C3orf49: variants seen among roughly 807,000 people sequenced by gnomAD.
The protein encoded by C3orf49 is chromosome 3 open reading frame 49.
A neutral mutation model predicts 13.3 loss-of-function variants in C3orf49; 27 were observed. The ratio of observed to expected loss-of-function variants is 2.02; its 90% CI spans 1.49 to 2.79. C3orf49 has a LOEUF of 2.79. C3orf49 is among the 30% of genes most tolerant of loss of function. C3orf49 has a pLI of 0.00. For missense variants in C3orf49, 242 were observed against 134.2 expected, an observed-to-expected ratio of 1.80 and a Z score of -3.97; for synonymous variants, 87 against 47.6, an observed-to-expected ratio of 1.83 and a Z score of -3.40.
At chr3:63,828,312 T>C (rs1701492249) in intron 3 of C3orf49, among the ~76,000 whole-genome samples, 1 of 152,194 alleles carries the variant, frequency 6.6e-6, no homozygotes, top group South Asian at 2.1e-4. Flanking sequence ...TGTGTTTGTT[T>C]GTTTTGAGAC....
At chr3:63,834,652 T>G (rs893864451) in intron 5 of C3orf49, among the ~76,000 whole-genome samples, 2 of 149,516 alleles carry the variant, frequency 1.3e-5, no homozygotes, top group Non-Finnish European at 3.0e-5. Context: ...AGAGCAAGAC[T>G]GTCTTAAAAA....
the C3orf49 span, among the ~76,000 whole-genome samples, chr3:63,781,093 G>A: frequency 6.6e-6 from 1 of 150,886 alleles, no homozygotes; most frequent in East Asian, 1.9e-4. Context: ...GTAATGCCTA[G>A]GTTTTCTTCT....
At chr3:63,839,171 C>T (rs936075086) in intron 5 of C3orf49, among the ~76,000 whole-genome samples, 1 of 152,026 alleles carries the variant, frequency 6.6e-6, no homozygotes, top group Admixed American at 6.6e-5. Context: ...GCCTGAACAA[C>T]AGAATGAGAC....
At chr3:63,804,710 T>C in the C3orf49 span, among the ~76,000 whole-genome samples, 1 of 152,164 alleles carries the variant, frequency 6.6e-6, no homozygotes, top group Admixed American at 6.5e-5. Context: ...GTAATTGCCA[T>C]TGAAAGTAAT....
At chr3:63,836,439 C>T (rs1199174579) in intron 5 of C3orf49, 3 of 1,290,638 alleles carry the variant, frequency 2.3e-6, no homozygotes, top group South Asian at 1.2e-5. Context: ...TATCACAAAC[C>T]TCTCCTAATC....
the C3orf49 span, among the ~76,000 whole-genome samples, chr3:63,788,728 T>A: frequency 1.1e-4 from 15 of 139,880 alleles, no homozygotes; most frequent in South Asian, 1.4e-3. Context: ...TATTACAATT[T>A]AAAAAAAAAA....
chr3:63,815,771 C>CTTTTTTT (rs1227837780), upstream of C3orf49, among the ~76,000 whole-genome samples: 7 of 136,572 alleles, frequency 5.1e-5, no homozygotes, highest in African/African-American at 2.0e-4. Context: ...TCTTTTCTTT[C>CTTTTTTT]TTTTTTTTTT....
At chr3:63,804,434 T>C in the C3orf49 span, among the ~76,000 whole-genome samples, 76 of 152,164 alleles carry the variant, frequency 5.0e-4, no homozygotes, top group Non-Finnish European at 1.2e-4. Context: ...TTGGCTCCTG[T>C]CACATTGATC....
the C3orf49 span, among the ~76,000 whole-genome samples, chr3:63,795,618 C>G: frequency 1.3e-5 from 2 of 152,074 alleles, no homozygotes; most frequent in East Asian, 3.9e-4. Context: ...TCTAACCGCC[C>G]GAGGTGATCT....
chr3:63,811,143 C>T, the C3orf49 span, among the ~76,000 whole-genome samples: 30 of 152,256 alleles, frequency 2.0e-4, no homozygotes, highest in South Asian at 1.0e-3. Flanking sequence ...ACACCATATT[C>T]GGTCCAAACT....
chr3:63,827,208 A>C (rs1244496321), intron 2 of C3orf49: 1 of 158,926 alleles, frequency 6.3e-6, no homozygotes, highest in East Asian at 1.8e-4. Context: ...TAAATGACTG[A>C]GCCTTGAGCC....
the C3orf49 span, among the ~76,000 whole-genome samples, chr3:63,804,856 C>T: frequency 6.6e-6 from 1 of 152,138 alleles, no homozygotes; most frequent in Non-Finnish European, 1.5e-5. Flanking sequence ...TCAATAATTA[C>T]TTGTGAAATA....
the C3orf49 span, chr3:63,779,881 C>T: frequency 2.6e-5 from 4 of 152,096 alleles, no homozygotes; most frequent in Non-Finnish European, 2.9e-5. Context: ...GTTAAATCCC[C>T]CAGGTTATCT....
chr3:63,836,190 G>C (rs1701630343), intron 5 of C3orf49: 1 of 957,268 alleles, frequency 1.0e-6, no homozygotes, highest in African/African-American at 1.7e-5. Flanking sequence ...TTGAATATCT[G>C]ACCCCTCCTT....
intron 5 of C3orf49, chr3:63,834,129 T>C (rs759398947): frequency 1.4e-5 from 23 of 1,613,960 alleles, no homozygotes; most frequent in Non-Finnish European, 1.9e-5. Context: ...GCAATTAGCC[T>C]GTCTATGGCT....
the C3orf49 span, among the ~76,000 whole-genome samples, chr3:63,797,188 G>A: frequency 2.6e-5 from 4 of 151,924 alleles, no homozygotes; most frequent in Non-Finnish European, 5.9e-5. Context: ...CTATAGGTAA[G>A]GTGTTTTTCC....
the C3orf49 span, among the ~76,000 whole-genome samples, chr3:63,813,508 C>CTTAAG: frequency 2.6e-5 from 4 of 152,090 alleles, no homozygotes; most frequent in South Asian, 6.2e-4. Context: ...CTATATGAGT[C>CTTAAG]TTAAGTTAGA....
At chr3:63,842,191 A>G (rs994428821) in intron 5 of C3orf49, among the ~76,000 whole-genome samples, 4 of 152,208 alleles carry the variant, frequency 2.6e-5, no homozygotes, top group Non-Finnish European at 5.9e-5. Flanking sequence ...AGACATACAA[A>G]TGGCCAACAG....
chr3:63,822,448 T>C (rs1385111848), intron 1 of C3orf49, among the ~76,000 whole-genome samples: 2 of 152,232 alleles, frequency 1.3e-5, no homozygotes, highest in African/African-American at 4.8e-5. Flanking sequence ...CAGGTGATAC[T>C]CTAGCACAGT....
Sources: gnomAD v4.1 joint callset for allele counts (sites outside exome capture counted in the v4.1 genomes callset) on GRCh38, gnomAD v4.1.1 for gene constraint, MANE v1.5 for transcripts, NCBI Gene and HGNC (gene_info 2026-07-23, HGNC 2026-07-21) for gene names.